The following PKLR variants were observed in gnomAD, a reference collection of about 807,000 sequenced individuals.
PKLR encodes the protein pyruvate kinase L/R, also known as pyruvate kinase PKLR.
A neutral mutation model predicts 53.6 loss-of-function variants in PKLR; 38 were observed. The observed-to-expected ratio is 0.71, with a 90% CI of 0.55 to 0.93. The LOEUF is 0.93. Among genes scored for constraint, PKLR ranks in the 40% least tolerant of loss-of-function variants. The pLI is 0.00. For missense variants in PKLR, 702 were observed against 787.3 expected (o/e 0.89, Z 1.30); for synonymous variants, 328 against 316.2 (o/e 1.04, Z -0.39).
chr1:155,298,472 G>T (rs1204912027), intron 2 of PKLR, among the ~76,000 whole-genome samples: 1 of 151,508 alleles, frequency 6.6e-6, no homozygotes, highest in Non-Finnish European at 1.5e-5. Context: ...GGGATTACAG[G>T]CATGCACCAC....
chr1:155,291,846 G>C lies in PKLR; in HGVS notation c.1528C>G (p.Arg510Gly). 1 of 1,614,042 alleles carries C rather than the reference G, an allele frequency of 6.2e-7. No homozygotes were observed. The highest frequency in any genetic ancestry group is 2.2e-5 in the East Asian group (1 of 44,880). ...AQAARQVHLC[R>G]GVFPLLYREP... is the part of the protein sequence containing the mutation. Reference sequence around the variant, plus strand: ...CGGTAAAGCAAGGGGAAGACTCCTCGGCATAAGTGGACCTGGCGGGCAGCC... The same window carrying C: ...CGGTAAAGCAAGGGGAAGACTCCTCCGCATAAGTGGACCTGGCGGGCAGCC... Residue 510 changes from arginine to glycine, a missense_variant, in exon 10 of 11, where the codon CGA becomes GGA. Around this residue, in one of 2 missense-constraint regions of PKLR, gnomAD observed 183 missense variants for 250.2 expected, o/e 0.73. Coordinates refer to ENST00000342741, the MANE Select transcript of PKLR (RefSeq NM_000298.6).
chr1:155,298,567 T>G (rs1647727055), intron 2 of PKLR, among the ~76,000 whole-genome samples: 3 of 151,788 alleles, frequency 2.0e-5, no homozygotes, highest in South Asian at 4.2e-4. Flanking sequence ...CCTCAGGTGA[T>G]CCGCCCGCCT....
Position 155,295,858 on chromosome 1 carries a change from C to T in PKLR, c.284-102G>A, listed in dbSNP as rs1410772302. The T allele has an allele frequency of 3.0e-5, 28 of 934,490 alleles. No homozygotes were observed. The highest frequency in any genetic ancestry group is 4.8e-5 in the Non-Finnish European group (28 of 578,632). The allele number at this position is 934,490 out of a possible 1,614,324, so 57.9% of individuals were successfully genotyped here. A position where few individuals can be genotyped will look rare whatever the true frequency, so the allele number is the denominator to read the frequency against. ...TCAGAACGCCTCACGCCACAGGCGT[C>T]CTGTTACCTGATCTTTATTCCCTGA... On this transcript the variant is annotated intron_variant, in intron 2 of 10. Coordinates refer to ENST00000342741, the MANE Select transcript of PKLR (RefSeq NM_000298.6). The surrounding 1 kb of genome is among the most constrained non-coding windows in gnomAD (Gnocchi z 4.3).
At chr1:155,301,165 A>G in intron 1 of PKLR, 131 bp downstream of exon 1, 2 of 1,338,220 alleles carry the variant, frequency 1.5e-6, no homozygotes, top group East Asian at 2.4e-5. Context: ...GAGGCTCTGA[A>G]GAACGTACGT....
upstream of PKLR, among the ~76,000 whole-genome samples, chr1:155,301,838 C>G (rs1648014213): frequency 6.6e-6 from 1 of 152,048 alleles, no homozygotes; most frequent in African/African-American, 2.4e-5. Flanking sequence ...CCAAGAAATG[C>G]AGAGTGCCTT....
intron 2 of PKLR, among the ~76,000 whole-genome samples, chr1:155,297,282 A>G (rs1286631666): frequency 6.6e-6 from 1 of 152,028 alleles, no homozygotes; most frequent in African/African-American, 2.4e-5. Flanking sequence ...GCTAATAAGC[A>G]TCTCAGACTC....
chr1:155,308,562 C>T, the PKLR span: 1 of 985,438 alleles, frequency 1.0e-6, no homozygotes, highest in Non-Finnish European at 1.2e-6. Flanking sequence ...ACGTGCCAAT[C>T]AGCTGCCCAG....
the PKLR span, chr1:155,308,511 GAACT>G: frequency 2.1e-6 from 2 of 966,042 alleles, no homozygotes; most frequent in Non-Finnish European, 2.5e-6. Flanking sequence ...TAAAGTTAGA[GAACT>G]AATAAGTGAG....
At chr1:155,305,482 T>TG (rs1174537188), upstream of PKLR, among the ~76,000 whole-genome samples, 1 of 152,166 alleles carries the variant, frequency 6.6e-6, no homozygotes, top group Non-Finnish European at 1.5e-5. Flanking sequence ...GAAATGAGCA[T>TG]GGGGCCTCAT....
At chr1:155,303,614 G>A (rs1430771395), upstream of PKLR, among the ~76,000 whole-genome samples, 2 of 152,104 alleles carry the variant, frequency 1.3e-5, no homozygotes, top group African/African-American at 4.8e-5. Flanking sequence ...GAGAGAGGGT[G>A]TATTTTATTT....
At chr1:155,298,315 T>C (rs1385254806) in intron 2 of PKLR, among the ~76,000 whole-genome samples, 1 of 151,128 alleles carries the variant, frequency 6.6e-6, no homozygotes, top group Non-Finnish European at 1.5e-5. Context: ...ATTACAGGCA[T>C]GAAACACCAC....
chr1:155,307,032 A>G, the PKLR span, among the ~76,000 whole-genome samples: 1 of 152,074 alleles, frequency 6.6e-6, no homozygotes, highest in Non-Finnish European at 1.5e-5. Flanking sequence ...CTCCTGCCTC[A>G]GCTTCTCGAG....
In PKLR at chr1:155,295,136, G is replaced by A. The variant is rs767781894; in HGVS notation, c.674C>T (p.Ser225Phe). 3 of 1,614,028 alleles carry A rather than the reference G, an allele frequency of 1.9e-6. No homozygotes were observed. The Admixed American group carries it at 5.0e-5, about 27-fold the overall frequency. ...CGCACCGATTTTCTGGACCACTAGG[G>A]AGATGAGCCCGTCGTCAATGTAGAT... is the stretch of plus-strand genomic sequence containing the variant. ...GRIYIDDGLI[S>F]LVVQKIGPEG... Residue 225 changes from serine to phenylalanine, a missense_variant, in exon 5 of 11, where the codon TCC becomes TTC. Coordinates refer to ENST00000342741, the MANE Select transcript of PKLR (RefSeq NM_000298.6). The surrounding 1 kb of genome is among the most constrained non-coding windows in gnomAD (Gnocchi z 4.3).
At chr1:155,299,694 C>T (rs1210058044) in intron 2 of PKLR, among the ~76,000 whole-genome samples, 2 of 150,406 alleles carry the variant, frequency 1.3e-5, no homozygotes, top group Non-Finnish European at 3.0e-5. Context: ...TTAGTAGAGA[C>T]GGGGTTTCTC....
chr1:155,295,235 C>A lies in PKLR; in HGVS notation c.575G>T (p.Arg192Leu). The stretch of plus-strand genomic sequence containing the variant: ...CACGGTGTTCGCGTTCCCCCGCGTC[C>A]GGAACGCGGGGTCCACAGTCACCAG... ...QVLVTVDPAFRTRGNANTVWV... is the reference protein window; with the variant it reads ...QVLVTVDPAFLTRGNANTVWV... The change falls in exon 5 of 11, where the codon CGG (arginine) becomes CTG (leucine). Residue 192 changes from arginine (R) to leucine (L), a missense_variant. Arg to Leu is a moderately radical substitution (Grantham distance 102). Transcript: ENST00000342741. This position sits in a 1 kb window ranked among gnomAD's most constrained non-coding sequence, Gnocchi z 4.3. The A allele has an allele frequency of 6.2e-7, 1 of 1,614,068 alleles. No individual in the cohort carries two copies. The highest frequency in any genetic ancestry group is 8.5e-7 in the Non-Finnish European group (1 of 1,179,970).
rs751999256 is a variant in PKLR at position 155,294,764 on chromosome 1, GA to G, written c.695-13del. 95 of 1,613,770 alleles carry G rather than the reference GA, an allele frequency of 5.9e-5. 2 individuals are homozygous for G. In the South Asian group the frequency reaches 1.0e-3, roughly 17 times the overall value. On this transcript the variant is annotated splice_polypyrimidine_tract_variant and intron_variant, in intron 5 of 10. Coordinates refer to ENST00000342741, the MANE Select transcript of PKLR (RefSeq NM_000298.6). The stretch of plus-strand genomic sequence containing the variant: ...CAGTCCCTCTGGGCCTGCGGACATG[GA>G]AAGAGCCAGCTGCGGTCAGGGGTGA...
At chr1:155,308,267 C>T in the PKLR span, among the ~76,000 whole-genome samples, 1 of 151,714 alleles carries the variant, frequency 6.6e-6, no homozygotes, top group Non-Finnish European at 1.5e-5. Flanking sequence ...CGGGGTTTCA[C>T]CACATTGGTC....
Position 155,293,582 on chromosome 1 carries a change from C to G in PKLR, c.1125G>C (p.Glu375Asp). The part of the protein sequence containing the change: ...KPVVCATQML[E>D]SMITKPRPTR... ...TTGGCCGGGGCTTGGTAATCATGCT[C>G]TCCAGCATCTGGGGGACAGCGTGGA... Residue 375 changes from glutamate (E) to aspartate (D), a missense_variant, in exon 8 of 11, where the codon GAG (glutamate) becomes GAC (aspartate). Transcript: ENST00000342741. This position sits in a 1 kb window ranked among gnomAD's most constrained non-coding sequence, Gnocchi z 4.2. 6.2e-7 allele frequency: 1 copy of G among 1,614,166 alleles called. No homozygotes were observed. Among genetic ancestry groups the G allele is most frequent in the South Asian group, 1.1e-5 (1 of 91,080 alleles).
rs1370760636 is a variant in PKLR, at chr1:155,295,387, G to A, written c.507+50C>T. The A allele has an allele frequency of 6.2e-7, 1 of 1,612,774 alleles. No individual in the cohort carries two copies. Among genetic ancestry groups the A allele is most frequent in the Non-Finnish European group, 8.5e-7 (1 of 1,179,486 alleles). On this transcript the variant is annotated intron_variant, in intron 4 of 10. Transcript: ENST00000342741. This position sits in a 1 kb window ranked among gnomAD's most constrained non-coding sequence, Gnocchi z 4.3. ...GCCCACGCCTGGGCCCAACCCTACA[G>A]GCGCCGCCTTTCCGGCCCTGGCCCA...
Sources: gnomAD v4.1 joint callset for allele counts (sites outside exome capture counted in the v4.1 genomes callset) on GRCh38, gnomAD v4.1.1 for gene constraint, gnomAD v4.1.1 regional missense constraint, Gnocchi (gnomAD v3.1) non-coding constraint, MANE v1.5 for transcripts, NCBI Gene and HGNC (gene_info 2026-07-23, HGNC 2026-07-21) for gene names.